Variants in SND1 observed in about 807,000 individuals in gnomAD.
The protein encoded by SND1 is staphylococcal nuclease and tudor domain containing 1.
SND1 carries 38 observed loss-of-function variants against 121.7 expected under a neutral mutation model. The ratio of observed to expected loss-of-function variants is 0.31; its 90% CI spans 0.24 to 0.41. The LOEUF is 0.41. Among genes scored for constraint, SND1 ranks in the 10% least tolerant of loss-of-function variants. SND1 has a pLI of 1.00. For missense variants in SND1, 868 were observed against 1,184.6 expected (o/e 0.73, Z 3.92); for synonymous variants, 401 against 447.4 (o/e 0.90, Z 1.31).
chr7:128,032,672 G>A (rs891441943), intron 16 of SND1, among the ~76,000 whole-genome samples: 16 of 152,266 alleles, frequency 1.1e-4, no homozygotes, highest in African/African-American at 3.6e-4. Flanking sequence ...GACTGCTGAC[G>A]GGGCGCGGAC....
intron 11 of SND1, among the ~76,000 whole-genome samples, chr7:127,842,068 C>G (rs1798975236): frequency 6.6e-6 from 1 of 152,124 alleles, no homozygotes; most frequent in African/African-American, 2.4e-5. Flanking sequence ...GGCATCTATC[C>G]TTTTCCAGAT....
chr7:127,764,038 C>CAAAAAA (rs60053474), intron 10 of SND1, among the ~76,000 whole-genome samples: 4 of 76,458 alleles, frequency 5.2e-5, no homozygotes, highest in African/African-American at 8.5e-5. Context: ...GACCCTGTCG[C>CAAAAAA]AAAAAAAAAA....
chr7:127,884,220 T>C (rs1799850637), intron 12 of SND1, among the ~76,000 whole-genome samples: 1 of 152,162 alleles, frequency 6.6e-6, no homozygotes, highest in Non-Finnish European at 1.5e-5. Flanking sequence ...CAGGCTTATC[T>C]TGTACTGTCT....
At chr7:127,758,474 G>A (rs570913742) in intron 10 of SND1, among the ~76,000 whole-genome samples, 3 of 151,028 alleles carry the variant, frequency 2.0e-5, no homozygotes, top group South Asian at 4.3e-4. Flanking sequence ...AATTGCCTCT[G>A]TTTAGTTAAA....
At chr7:127,772,987 A>G (rs1039999128) in intron 10 of SND1, among the ~76,000 whole-genome samples, 8 of 152,212 alleles carry the variant, frequency 5.3e-5, no homozygotes, top group African/African-American at 1.4e-4. Context: ...CCAAGTTTTT[A>G]TTTTCCAGAT....
intron 16 of SND1, among the ~76,000 whole-genome samples, chr7:127,994,253 C>T (rs917577809): frequency 6.6e-6 from 1 of 152,118 alleles, no homozygotes; most frequent in African/African-American, 2.4e-5. Flanking sequence ...CATTTCTGGC[C>T]ACCACTCGGC....
At chr7:127,680,298 C>A (rs769465444) in intron 1 of SND1, among the ~76,000 whole-genome samples, 66 of 152,116 alleles carry the variant, frequency 4.3e-4, no homozygotes, top group Non-Finnish European at 7.6e-4. Flanking sequence ...AAGTTTCAGG[C>A]ACCATTGTCA....
At chr7:127,768,723 A>C (rs1032099213) in intron 10 of SND1, among the ~76,000 whole-genome samples, 2 of 152,220 alleles carry the variant, frequency 1.3e-5, no homozygotes, top group Non-Finnish European at 2.9e-5. Flanking sequence ...ATAGAATTAT[A>C]TTTTACCCAG....
chr7:127,838,142 T>G (rs1798900112), intron 11 of SND1, among the ~76,000 whole-genome samples: 1 of 152,102 alleles, frequency 6.6e-6, no homozygotes, highest in South Asian at 2.1e-4. Context: ...GATGATTCAG[T>G]TCAGAGCAGG....
At chr7:127,954,827 G>A (rs941200265) in intron 15 of SND1, among the ~76,000 whole-genome samples, 11 of 152,092 alleles carry the variant, frequency 7.2e-5, no homozygotes, top group Non-Finnish European at 7.4e-5. Context: ...GTGATGGGAG[G>A]TGGATAAAGC....
chr7:127,659,322 A>G (rs1361262694), intron 1 of SND1, among the ~76,000 whole-genome samples: 2 of 152,222 alleles, frequency 1.3e-5, no homozygotes, highest in Non-Finnish European at 2.9e-5. Context: ...TCTTCACTCT[A>G]ATGTTTAAGA....
intron 15 of SND1, among the ~76,000 whole-genome samples, chr7:127,938,298 G>A (rs147343257): frequency 7.9e-5 from 12 of 152,292 alleles, no homozygotes; most frequent in Admixed American, 6.5e-5. Flanking sequence ...ATTTTTACAA[G>A]CACAGATTAA....
rs1047865301 is a variant in SND1 at position 128,015,210 on chromosome 7, G to T, written c.1779+24154G>T. Among the ~76,000 whole-genome samples, 5 of 152,326 alleles carry T rather than the reference G, an allele frequency of 3.3e-5. No homozygotes were observed. The East Asian group carries it at 9.6e-4, about 29-fold the overall frequency. ...CTCTCCTGCCCTGCTTTCCCAAGAT[G>T]AAGGGGCTGGGTCAGGCCTTGCCCG... On this transcript the variant is annotated intron_variant, in intron 16 of 23. Transcript: ENST00000354725. This position sits in a 1 kb window ranked among gnomAD's most constrained non-coding sequence, Gnocchi z 4.5.
intron 16 of SND1, chr7:127,998,186 T>A: frequency 3.1e-6 from 1 of 327,832 alleles, no homozygotes; most frequent in Non-Finnish European, 6.1e-6. Flanking sequence ...TTTGTTGTCC[T>A]TTATGGTTCT....
intron 15 of SND1, among the ~76,000 whole-genome samples, chr7:127,958,363 C>T (rs1432518414): frequency 6.6e-6 from 1 of 152,138 alleles, no homozygotes; most frequent in Non-Finnish European, 1.5e-5. Context: ...CACTGTTACC[C>T]TTATTTTGCT....
chr7:128,005,738 A>G (rs73721274), intron 16 of SND1, among the ~76,000 whole-genome samples: 2,468 of 152,260 alleles, frequency 0.016, 90 homozygotes, highest in African/African-American at 0.056. Context: ...GACTGCAGGT[A>G]CTGAACAGGA....
intron 15 of SND1, among the ~76,000 whole-genome samples, chr7:127,969,853 T>G (rs1183801754): frequency 6.6e-6 from 1 of 152,246 alleles, no homozygotes; most frequent in Non-Finnish European, 1.5e-5. Flanking sequence ...AGTCTCAAAT[T>G]CTGGATATGC....
chr7:127,737,864 C>T (rs956241282), intron 10 of SND1, among the ~76,000 whole-genome samples: 2 of 152,298 alleles, frequency 1.3e-5, no homozygotes, highest in East Asian at 1.9e-4. Context: ...CTAGAGTCCG[C>T]ATCTCAAATA....
chr7:127,853,292 C>T (rs1156547535), intron 12 of SND1, among the ~76,000 whole-genome samples: 3 of 152,094 alleles, frequency 2.0e-5, no homozygotes, highest in Non-Finnish European at 2.9e-5. Context: ...AACTTCTTCC[C>T]GTGTTAAATT....
Sources: allele counts gnomAD v4.1 joint callset (sites outside exome capture counted in the v4.1 genomes callset), GRCh38; gene constraint gnomAD v4.1.1; non-coding constraint Gnocchi (gnomAD v3.1); transcripts MANE v1.5; gene names NCBI Gene and HGNC (gene_info 2026-07-23, HGNC 2026-07-21).